Variants in ABHD5 observed in about 807,000 individuals in gnomAD.
The protein encoded by ABHD5 is 1-acylglycerol-3-phosphate O-acyltransferase ABHD5.
A neutral mutation model predicts 44.9 loss-of-function variants in ABHD5; 30 were observed. The ratio of observed to expected loss-of-function variants is 0.67; its 90% confidence interval spans 0.50 to 0.91. ABHD5 has a LOEUF of 0.91. Ranked by LOEUF, ABHD5 falls within the 40% of genes least tolerant of loss-of-function variation. ABHD5 has a pLI of 0.00. For synonymous variants in ABHD5, 167 were observed against 147.0 expected (o/e 1.14, Z -0.99); for missense variants, 399 against 423.4 (o/e 0.94, Z 0.50).
rs747255945 is a variant in ABHD5, at chr3:43,702,435, C to T, written c.354C>T (p.Pro118=). 2.5e-6 allele frequency: 4 copies of T among 1,614,046 alleles called. No homozygotes were observed. Among genetic ancestry groups the T allele is most frequent in the African/African-American group, 1.3e-5 (1 of 74,908 alleles). The change falls in exon 3 of 7, where the codon CCC becomes CCT. Residue 118 remains proline (P), a synonymous_variant. Transcript: ENST00000644371. ...DLLGFGRSSR[P]RFDSDAEEVE... is the part of the protein sequence containing the mutation. ...TGGGTTTTGGACGAAGTAGTAGACC[C>T]AGGTTTGACAGTGATGCAGAAGAAG...
In ABHD5 at chr3:43,718,815, G is replaced by A. The variant is rs2084800638; in HGVS notation, c.*283G>A. 6.3e-6 allele frequency: 2 copies of A among 319,814 alleles called. No individual in the cohort carries two copies. The highest frequency in any genetic ancestry group is 4.3e-5 in the African/African-American group (2 of 46,764). The allele number at this position is 319,814 out of a possible 1,614,324, so 19.8% of individuals were successfully genotyped here. ...TGTCCCTCTGATGTACTGAAAAACT[G>A]TAATTTTTCAGCTGAAAATTTTTTA... On this transcript the variant is annotated 3_prime_UTR_variant, in exon 7 of 7. Coordinates refer to ENST00000644371, the MANE Select transcript of ABHD5 (RefSeq NM_016006.6).
rs887117339 is a variant in ABHD5 at position 43,719,086 on chromosome 3, C to T, written c.*554C>T. On this transcript the variant is annotated 3_prime_UTR_variant, in exon 7 of 7. Transcript: ENST00000644371. ...ACAAGGCAGATTTTTGGTTAGAGGA[C>T]GGGAGTTGATCACTATCATTACTTT... is the stretch of plus-strand genomic sequence containing the variant. 3.8e-5 allele frequency: 6 copies of T among 157,340 alleles called. No individual in the cohort carries two copies. The highest frequency in any genetic ancestry group is 1.9e-4 in the East Asian group (1 of 5,334). The allele number at this position is 157,340 out of a possible 1,614,324, so 9.7% of individuals were successfully genotyped here.
chr3:43,693,647 G>C (rs2084431105), intron 1 of ABHD5, among the ~76,000 whole-genome samples: 1 of 151,726 alleles, frequency 6.6e-6, no homozygotes, highest in African/African-American at 2.4e-5. Flanking sequence ...TGTAATGATA[G>C]CTACTACTTT....
downstream of ABHD5, among the ~76,000 whole-genome samples, chr3:43,727,340 C>T (rs1035268846): frequency 2.6e-5 from 4 of 152,168 alleles, no homozygotes; most frequent in Non-Finnish European, 5.9e-5. Flanking sequence ...GTGGGTTAGT[C>T]CCCATTGGAC....
intron 3 of ABHD5, among the ~76,000 whole-genome samples, chr3:43,711,476 A>G (rs1039992079): frequency 7.9e-5 from 12 of 152,172 alleles, no homozygotes; most frequent in Admixed American, 2.6e-4. Flanking sequence ...TATTATTCAC[A>G]TTTAGATATA....
downstream of ABHD5, among the ~76,000 whole-genome samples, chr3:43,723,065 T>C (rs376202107): frequency 1.1e-4 from 16 of 152,060 alleles, no homozygotes; most frequent in Admixed American, 4.6e-4. Flanking sequence ...CAGAGTAAGG[T>C]CATGTCAAAA....
At chr3:43,699,172 CA>C in intron 1 of ABHD5, 103 bp from the exon 2 acceptor site, 2 of 965,960 alleles carry the variant, frequency 2.1e-6, no homozygotes, top group Non-Finnish European at 3.3e-6. Flanking sequence ...TACCATCACA[CA>C]GGTAGTAAAT....
intron 3 of ABHD5, among the ~76,000 whole-genome samples, chr3:43,705,282 G>T (rs2084601860): frequency 6.6e-6 from 1 of 152,148 alleles, no homozygotes; most frequent in Non-Finnish European, 1.5e-5. Flanking sequence ...AGAAAAATTA[G>T]TTTCAGATAT....
chr3:43,703,529 G>A (rs2084575647), intron 3 of ABHD5, among the ~76,000 whole-genome samples: 1 of 152,122 alleles, frequency 6.6e-6, no homozygotes, highest in South Asian at 2.1e-4. Context: ...TTACTACTCT[G>A]AGAGAGGGTC....
At chr3:43,710,519 T>A (rs1393577498) in intron 3 of ABHD5, among the ~76,000 whole-genome samples, 3 of 152,186 alleles carry the variant, frequency 2.0e-5, no homozygotes, top group Non-Finnish European at 4.4e-5. Context: ...TTCCTTCTTA[T>A]CTAAGATGAT....
At chr3:43,723,621 T>C (rs947673740), downstream of ABHD5, among the ~76,000 whole-genome samples, 29 of 152,214 alleles carry the variant, frequency 1.9e-4, no homozygotes. Context: ...AGCCTGAATC[T>C]AATCAAGCCT....
At chr3:43,728,567 A>G (rs2084893191) in intron 7 of ABHD5, among the ~76,000 whole-genome samples, 1 of 152,206 alleles carries the variant, frequency 6.6e-6, no homozygotes, top group South Asian at 2.1e-4. Context: ...AGATGACACC[A>G]ATCAGGGCTT....
chr3:43,707,141 C>T (rs2084631023), intron 3 of ABHD5, among the ~76,000 whole-genome samples: 3 of 152,006 alleles, frequency 2.0e-5, no homozygotes, highest in Non-Finnish European at 2.9e-5. Context: ...TCCTTCTGGC[C>T]CCTGCTGCTC....
At chr3:43,697,718 G>A (rs2084490876) in intron 1 of ABHD5, among the ~76,000 whole-genome samples, 1 of 152,170 alleles carries the variant, frequency 6.6e-6, no homozygotes, top group Non-Finnish European at 1.5e-5. Context: ...ATGGGATGGA[G>A]GTAGGCTGTG....
At chr3:43,695,470 G>A (rs1379260761) in intron 1 of ABHD5, among the ~76,000 whole-genome samples, 1 of 152,122 alleles carries the variant, frequency 6.6e-6, no homozygotes, top group Non-Finnish European at 1.5e-5. Context: ...AATAGGAATG[G>A]AGGCCATTTT....
intron 1 of ABHD5, 182 bp downstream of exon 1, chr3:43,691,221 T>A: frequency 2.0e-6 from 1 of 500,582 alleles, no homozygotes; most frequent in Non-Finnish European, 3.2e-6. Context: ...CCGCTCTGCC[T>A]GGGAGAGGCT....
rs1047835216 is a variant in ABHD5, at chr3:43,693,941, G to C, written c.47+2902G>C. Among the ~76,000 whole-genome samples, 5 of 151,994 alleles carry C rather than the reference G, an allele frequency of 3.3e-5. No homozygotes were observed. The South Asian group carries it at 1.0e-3, about 32-fold the overall frequency. On this transcript the variant is annotated intron_variant, in intron 1 of 6. Coordinates refer to ENST00000644371, the MANE Select transcript of ABHD5 (RefSeq NM_016006.6). ...TTCTAATTGTCAGATGTTTGTGCCT[G>C]ATTCCTCAAATTTAACATGTCCAGA...
At chr3:43,709,430 C>T (rs2084661204) in intron 3 of ABHD5, among the ~76,000 whole-genome samples, 1 of 152,200 alleles carries the variant, frequency 6.6e-6, no homozygotes, top group Admixed American at 6.5e-5. Context: ...CAAAAACAGT[C>T]ACTTACCTAC....
intron 4 of ABHD5, 47 bp downstream of exon 4, chr3:43,711,910 A>G (rs1324349551): frequency 2.5e-6 from 4 of 1,612,652 alleles, no homozygotes; most frequent in African/African-American, 1.3e-5. Flanking sequence ...AAGTTATGAG[A>G]AGAGCAGAAT....
Sources: gnomAD v4.1 joint callset for allele counts (sites outside exome capture counted in the v4.1 genomes callset) on GRCh38, gnomAD v4.1.1 for gene constraint, MANE v1.5 for transcripts, NCBI Gene and HGNC (gene_info 2026-07-23, HGNC 2026-07-21) for gene names.